The following HECTD4 variants were observed in gnomAD, a reference collection of about 807,000 sequenced individuals.
The protein encoded by HECTD4 is HECT domain E3 ubiquitin protein ligase 4.
In HECTD4, 114 loss-of-function variants were observed where a neutral mutation model predicts 471.5. That is an observed-to-expected ratio of 0.24 (90% CI 0.21 to 0.28). HECTD4 has a LOEUF of 0.28. HECTD4 is among the 10% of genes least tolerant of loss of function. The pLI is 1.00. For synonymous variants in HECTD4, 2,012 were observed against 2,256.0 expected (o/e 0.89, Z 3.07); for missense variants, 3,866 against 5,651.5 (o/e 0.68, Z 10.13).
At chr12:112,217,314 C>T (rs1262638172) in intron 45 of HECTD4, 119 bp from the exon 46 acceptor site, 3 of 551,806 alleles carry the variant, frequency 5.4e-6, no homozygotes, top group South Asian at 4.1e-5. Flanking sequence ...CACACACACA[C>T]ACATACACAC....
chr12:112,229,948 A>C (rs2033335355), intron 40 of HECTD4, 68 bp from the exon 41 acceptor site: 6 of 1,432,788 alleles, frequency 4.2e-6, no homozygotes, highest in Non-Finnish European at 5.7e-6. Context: ...AGGGTGATAA[A>C]GTGTCTACAA....
intron 14 of HECTD4, among the ~76,000 whole-genome samples, chr12:112,266,595 C>T (rs2034276659): frequency 6.6e-6 from 1 of 152,238 alleles, no homozygotes; most frequent in Non-Finnish European, 1.5e-5. Context: ...ATCCTCCTGC[C>T]TCAGACTCCT....
At chr12:112,352,770 C>T (rs180876342) in intron 1 of HECTD4, among the ~76,000 whole-genome samples, 34 of 152,140 alleles carry the variant, frequency 2.2e-4, no homozygotes, top group Admixed American at 8.5e-4. Context: ...AAATGCCCAG[C>T]TAGTTTTTTG....
At chr12:112,351,075 G>A (rs2036241753) in intron 1 of HECTD4, among the ~76,000 whole-genome samples, 1 of 152,142 alleles carries the variant, frequency 6.6e-6, no homozygotes, top group Admixed American at 6.6e-5. Context: ...TTCTACAGAG[G>A]AAGACATGTT....
intron 13 of HECTD4, among the ~76,000 whole-genome samples, chr12:112,269,272 G>A (rs1456415654): frequency 6.6e-6 from 1 of 152,102 alleles, no homozygotes; most frequent in Admixed American, 6.6e-5. Flanking sequence ...CATAAAACAG[G>A]TGCTATTTTT....
At chr12:112,271,016 C>T (rs2034401716) in intron 11 of HECTD4, among the ~76,000 whole-genome samples, 1 of 152,174 alleles carries the variant, frequency 6.6e-6, no homozygotes, top group African/African-American at 2.4e-5. Context: ...GTCTGGAGTT[C>T]AGGCAAGAGG....
intron 7 of HECTD4, among the ~76,000 whole-genome samples, chr12:112,300,857 A>G (rs1468083955): frequency 6.6e-6 from 1 of 151,564 alleles, no homozygotes; most frequent in Non-Finnish European, 1.5e-5. Context: ...GGCATGAACT[A>G]CTGCACCCAG....
intron 49 of HECTD4, among the ~76,000 whole-genome samples, chr12:112,211,073 C>T (rs767990562): frequency 2.0e-5 from 3 of 152,204 alleles, no homozygotes; most frequent in Non-Finnish European, 4.4e-5. Flanking sequence ...GAGTCTTGGC[C>T]GGATGCAGTA....
intron 25 of HECTD4, 34 bp downstream of exon 25, chr12:112,250,110 A>T: frequency 6.7e-7 from 1 of 1,503,426 alleles, no homozygotes; most frequent in South Asian, 1.2e-5. Context: ...TTTTTTTCCC[A>T]TTGGGAAAAG....
rs1462042134 is a variant in HECTD4 at position 112,274,936 on chromosome 12, T to C, written c.1712A>G (p.Asn571Ser). 1 of 1,549,382 alleles carries C rather than the reference T, an allele frequency of 6.5e-7. No homozygotes were observed. The highest frequency in any genetic ancestry group is 2.0e-5 in the Admixed American group (1 of 50,990). ...LKILASSLVY[N>S]ISDGQFTSRA... ...ACTTGTAAACTGACCATCCGAAATA[T>C]TATACACCAAGCTGGAGGCTAGGAC... The change falls in exon 10 of 76, where the codon AAT (asparagine) becomes AGT (serine). Residue 571 changes from asparagine to serine, a missense_variant. Transcript: ENST00000682272.
At position 112,236,837 on chromosome 12, in the gene HECTD4, G is replaced by A. The variant is rs1390190361; in HGVS notation, c.5444+108C>T. Reference sequence around the variant, plus strand: ...TTTTGAGGCAAGAGTGTGTCAAAATGGCCTAGTAATTTAGCTATTTTGAAA... The same window carrying A: ...TTTTGAGGCAAGAGTGTGTCAAAATAGCCTAGTAATTTAGCTATTTTGAAA... On this transcript the variant is annotated intron_variant, in intron 35 of 75. Transcript: ENST00000682272. 9.8e-6 allele frequency: 10 copies of A among 1,017,186 alleles called. No homozygotes were observed. In the South Asian group the frequency reaches 2.0e-4, roughly 21 times the overall value. 63.0% of individuals were successfully genotyped at this position (1,017,186 alleles called of 1,614,324 possible).
chr12:112,277,683 G>A (rs1451116853), intron 9 of HECTD4, among the ~76,000 whole-genome samples: 1 of 152,178 alleles, frequency 6.6e-6, no homozygotes, highest in East Asian at 1.9e-4. Flanking sequence ...AGCGAGGGTG[G>A]AATTGTGCAT....
At chr12:112,347,118 T>C (rs1423807971) in intron 1 of HECTD4, among the ~76,000 whole-genome samples, 1 of 151,826 alleles carries the variant, frequency 6.6e-6, no homozygotes, top group African/African-American at 2.4e-5. Flanking sequence ...ATTTATCATA[T>C]AAAATATATA....
intron 44 of HECTD4, among the ~76,000 whole-genome samples, chr12:112,224,617 G>T (rs1389686032): frequency 2.0e-5 from 3 of 152,040 alleles, no homozygotes; most frequent in Non-Finnish European, 4.4e-5. Context: ...AAATCAATAC[G>T]CATAAGCTCA....
intron 2 of HECTD4, among the ~76,000 whole-genome samples, chr12:112,318,578 T>C (rs770836381): frequency 2.0e-5 from 3 of 152,108 alleles, no homozygotes; most frequent in Non-Finnish European, 2.9e-5. Context: ...TTCACCATGT[T>C]GGCCAGGGCA....
intron 1 of HECTD4, among the ~76,000 whole-genome samples, chr12:112,368,177 A>G (rs2036603032): frequency 6.6e-6 from 1 of 152,206 alleles, no homozygotes; most frequent in South Asian, 2.1e-4. Context: ...AGCCAACTGC[A>G]GGTTTTAGTA....
rs1430760326 is a variant in HECTD4 at position 112,185,437 on chromosome 12, G to A, written c.9529C>T (p.Leu3177Phe). 4 of 1,581,492 alleles carry A rather than the reference G, an allele frequency of 2.5e-6. No individual in the cohort carries two copies. The highest frequency in any genetic ancestry group is 1.8e-5 in the Admixed American group (1 of 54,228). ...AACVKELVFH[L>F]LAELLRTVHT... ...ACCGTGCGCAGGAGCTCTGCCAGGA[G>A]ATGGAAAACAAGCTCCTTCACGCAG... Residue 3177 changes from leucine to phenylalanine, a missense_variant, in exon 61 of 76, where the codon CTC becomes TTC. Leu to Phe is a conservative substitution (Grantham distance 22). Transcript: ENST00000682272.
intron 1 of HECTD4, among the ~76,000 whole-genome samples, chr12:112,380,384 G>A (rs1348625069): frequency 6.6e-6 from 1 of 152,052 alleles, no homozygotes. Context: ...GGCAGAGGCT[G>A]CAGTGGGCTG....
intron 6 of HECTD4, 114 bp from the exon 7 acceptor site, chr12:112,306,348 G>T: frequency 2.3e-6 from 2 of 871,302 alleles, no homozygotes; most frequent in Non-Finnish European, 3.1e-6. Context: ...AGGCTTTCTG[G>T]TCAAAATAAA....
Sources: gnomAD v4.1 joint callset for allele counts (sites outside exome capture counted in the v4.1 genomes callset) on GRCh38, gnomAD v4.1.1 for gene constraint, MANE v1.5 for transcripts, NCBI Gene and HGNC (gene_info 2026-07-23, HGNC 2026-07-21) for gene names.